Variants in CDH9 observed in about 807,000 individuals in gnomAD.
CDH9 encodes the protein cadherin-9.
CDH9 carries 28 observed loss-of-function variants against 70.9 expected under a neutral mutation model. The observed-to-expected ratio is 0.40, with a 90% CI of 0.29 to 0.54. CDH9 has a LOEUF of 0.54. CDH9 is among the 20% of genes least tolerant of loss of function. CDH9 has a pLI of 0.59. For missense variants in CDH9, 874 were observed against 984.4 expected, an observed-to-expected ratio of 0.89 and a Z score of 1.50; for synonymous variants, 409 against 343.1, an observed-to-expected ratio of 1.19 and a Z score of -2.12.
chr5:26,968,174 G>T (rs1484129246), intron 2 of CDH9, among the ~76,000 whole-genome samples: 1 of 152,104 alleles, frequency 6.6e-6, no homozygotes. Flanking sequence ...CCAAACAAAA[G>T]AACTACAGAG....
At chr5:26,925,187 A>G (rs1178530673) in intron 2 of CDH9, among the ~76,000 whole-genome samples, 2 of 151,954 alleles carry the variant, frequency 1.3e-5, no homozygotes, top group African/African-American at 2.4e-5. Context: ...AAGCGTTCCT[A>G]TTTCTCCACA....
intron 2 of CDH9, among the ~76,000 whole-genome samples, chr5:26,920,237 T>C (rs1457506759): frequency 1.3e-5 from 2 of 151,738 alleles, no homozygotes; most frequent in African/African-American, 2.4e-5. Context: ...GCAGTACTTG[T>C]CATGGGCCTG....
intron 11 of CDH9, among the ~76,000 whole-genome samples, chr5:26,882,597 A>G (rs1015354538): frequency 1.3e-5 from 2 of 152,064 alleles, no homozygotes; most frequent in Non-Finnish European, 2.9e-5. Context: ...ATTTTCCATT[A>G]AAGATTGCAC....
At chr5:26,926,899 TAGTC>T (rs1231719340) in intron 2 of CDH9, among the ~76,000 whole-genome samples, 1 of 141,746 alleles carries the variant, frequency 7.1e-6, no homozygotes, top group African/African-American at 2.6e-5. Context: ...CCTGATACCA[TAGTC>T]AGGCAAAAAT....
chr5:26,944,786 A>G (rs564326783), intron 2 of CDH9, among the ~76,000 whole-genome samples: 1 of 151,988 alleles, frequency 6.6e-6, no homozygotes. Context: ...TCTTTTACTT[A>G]TATTTCCAAA....
chr5:26,988,754 A>C (rs1742531705), intron 1 of CDH9, among the ~76,000 whole-genome samples: 1 of 152,112 alleles, frequency 6.6e-6, no homozygotes, highest in Non-Finnish European at 1.5e-5. Flanking sequence ...AATATTTATT[A>C]ACATATACAT....
intron 2 of CDH9, among the ~76,000 whole-genome samples, chr5:26,927,172 T>G (rs775097068): frequency 6.6e-6 from 1 of 152,018 alleles, no homozygotes; most frequent in African/African-American, 2.4e-5. Context: ...CTTATAATGA[T>G]GTTGAAAAGG....
At chr5:26,952,207 G>GC (rs1213837530) in intron 2 of CDH9, among the ~76,000 whole-genome samples, 4 of 149,642 alleles carry the variant, frequency 2.7e-5, no homozygotes, top group African/African-American at 4.9e-5. Flanking sequence ...CAAGTGATCT[G>GC]CCTGCCTTGG....
chr5:26,987,598 A>G (rs1407947144), intron 2 of CDH9, among the ~76,000 whole-genome samples: 1 of 152,054 alleles, frequency 6.6e-6, no homozygotes, highest in Non-Finnish European at 1.5e-5. Flanking sequence ...TCCTACTAAC[A>G]CAGAAGCTTA....
chr5:27,004,361 T>C (rs1742823316), intron 1 of CDH9, among the ~76,000 whole-genome samples: 1 of 152,016 alleles, frequency 6.6e-6, no homozygotes, highest in Admixed American at 6.6e-5. Flanking sequence ...ACAATAAAAT[T>C]GAAGGGACAG....
intron 7 of CDH9, 115 bp downstream of exon 7, chr5:26,902,361 A>G (rs1333229918): frequency 1.5e-6 from 1 of 650,494 alleles, no homozygotes; most frequent in African/African-American, 1.8e-5. Flanking sequence ...TAGTGAGATT[A>G]TTGGTATTAT....
At chr5:26,905,766 A>T (rs1313118652) in intron 5 of CDH9, among the ~76,000 whole-genome samples, 193 bp downstream of exon 5, 1 of 152,184 alleles carries the variant, frequency 6.6e-6, no homozygotes. Context: ...TACTCCAAAA[A>T]ATGATGAAAA....
At chr5:27,033,291 A>C (rs1270079258) in intron 1 of CDH9, among the ~76,000 whole-genome samples, 2 of 151,448 alleles carry the variant, frequency 1.3e-5, no homozygotes, top group Non-Finnish European at 3.0e-5. Context: ...TATTATAATT[A>C]ATTTATGTGA....
At chr5:26,914,303 G>A (rs1579680500) in intron 3 of CDH9, among the ~76,000 whole-genome samples, 1 of 151,794 alleles carries the variant, frequency 6.6e-6, no homozygotes, top group African/African-American at 2.4e-5. Context: ...ATTGATGAGT[G>A]TAATTTTATA....
At chr5:27,003,139 T>A (rs1344825745) in intron 1 of CDH9, among the ~76,000 whole-genome samples, 1 of 152,094 alleles carries the variant, frequency 6.6e-6, no homozygotes, top group Non-Finnish European at 1.5e-5. Flanking sequence ...AAATTCAAAA[T>A]GTGCCAATGG....
chr5:27,002,070 T>C (rs565867782), intron 1 of CDH9, among the ~76,000 whole-genome samples: 1 of 151,742 alleles, frequency 6.6e-6, no homozygotes, highest in Non-Finnish European at 1.5e-5. Flanking sequence ...CAGACAAACT[T>C]ACAAGAAAAA....
chr5:26,977,181 T>C (rs1742314725), intron 2 of CDH9, among the ~76,000 whole-genome samples: 1 of 152,052 alleles, frequency 6.6e-6, no homozygotes, highest in African/African-American at 2.4e-5. Flanking sequence ...ATTATACATT[T>C]TCTTAAATAG....
intron 2 of CDH9, among the ~76,000 whole-genome samples, chr5:26,970,008 C>T (rs180955245): frequency 6.7e-6 from 1 of 150,344 alleles, no homozygotes; most frequent in East Asian, 2.0e-4. Flanking sequence ...TTCTTTATAC[C>T]AAAACCAATT....
At chr5:27,014,341 A>G (rs1466222804) in intron 1 of CDH9, among the ~76,000 whole-genome samples, 1 of 151,886 alleles carries the variant, frequency 6.6e-6, no homozygotes, top group African/African-American at 2.4e-5. Flanking sequence ...AAGAGTTCCC[A>G]TGATGGCAGT....
Sources: allele counts gnomAD v4.1 joint callset (sites outside exome capture counted in the v4.1 genomes callset), GRCh38; gene constraint gnomAD v4.1.1; transcripts MANE v1.5; gene names NCBI Gene and HGNC (gene_info 2026-07-23, HGNC 2026-07-21).